PTPN1: variants seen among roughly 807,000 people sequenced by gnomAD.
PTPN1 encodes tyrosine-protein phosphatase non-receptor type 1.
PTPN1 carries 12 observed loss-of-function variants against 59.9 expected under a neutral mutation model. That is an observed-to-expected ratio of 0.20 (90% confidence interval 0.13 to 0.32). The LOEUF (loss-of-function observed/expected upper bound fraction) is 0.32. PTPN1 is among the 10% of genes least tolerant of loss of function. PTPN1 has a pLI of 1.00. For missense variants in PTPN1, 356 were observed against 549.2 expected, an observed-to-expected ratio of 0.65 and a Z score of 3.52; for synonymous variants, 178 against 203.6, an observed-to-expected ratio of 0.87 and a Z score of 1.07.
rs967744728 is a variant in PTPN1 at position 50,580,341 on chromosome 20, G to T, written c.1088+415G>T. Among the ~76,000 whole-genome samples the T allele has an allele frequency of 2.0e-5, 3 of 152,150 alleles. No homozygotes were observed. In the East Asian group the frequency reaches 5.8e-4, roughly 29 times the overall value. On this transcript the variant is annotated intron_variant, in intron 8 of 9. Coordinates refer to ENST00000371621, the MANE Select transcript of PTPN1 (RefSeq NM_002827.4). ...AATGTAACCTTTTTTATGTGGTCTT[G>T]ATTAAATCCCATTTTACTTCCTTGC... is the stretch of plus-strand genomic sequence containing the variant.
intron 2 of PTPN1, among the ~76,000 whole-genome samples, chr20:50,562,367 C>T (rs538903516): frequency 3.6e-4 from 55 of 152,296 alleles, no homozygotes; most frequent in African/African-American, 1.3e-3. Context: ...ACTTATGTGG[C>T]GCCCAGATTC....
chr20:50,579,354 C>T, intron 7 of PTPN1, 25 bp downstream of exon 7: 2 of 1,592,530 alleles, frequency 1.3e-6, no homozygotes, highest in Middle Eastern at 1.7e-4. Flanking sequence ...TGTTTGAATC[C>T]AGGTGTGACC....
intron 1 of PTPN1, among the ~76,000 whole-genome samples, chr20:50,537,841 A>T (rs1174232134): frequency 6.6e-6 from 1 of 152,234 alleles, no homozygotes; most frequent in East Asian, 1.9e-4. Context: ...ATGCCGTTCA[A>T]AATGGACTGA....
chr20:50,574,351 C>A, intron 4 of PTPN1, 166 bp from the exon 5 acceptor site: 1 of 663,274 alleles, frequency 1.5e-6, no homozygotes, highest in Non-Finnish European at 2.4e-6. Context: ...CGTGCCCCCA[C>A]CCCCATCTCC....
intron 2 of PTPN1, among the ~76,000 whole-genome samples, chr20:50,564,078 AAAC>A (rs1342820457): frequency 1.3e-5 from 2 of 152,098 alleles, no homozygotes; most frequent in African/African-American, 4.8e-5. Context: ...TAAAAAAAAA[AAAC>A]AAAAACCTCG....
intron 1 of PTPN1, among the ~76,000 whole-genome samples, chr20:50,536,820 A>T (rs552668430): frequency 6.6e-6 from 1 of 152,092 alleles, no homozygotes; most frequent in Admixed American, 6.5e-5. Context: ...AGTCTTGATT[A>T]TATCTTTTTA....
intron 1 of PTPN1, among the ~76,000 whole-genome samples, chr20:50,547,132 A>C (rs2122758899): frequency 6.6e-6 from 1 of 152,330 alleles, no homozygotes; most frequent in Non-Finnish European, 1.5e-5. Context: ...CCAAGGTGAA[A>C]TTCATGACAT....
chr20:50,547,642 G>A (rs147247853), intron 1 of PTPN1, among the ~76,000 whole-genome samples: 42 of 152,292 alleles, frequency 2.8e-4, no homozygotes, highest in Admixed American at 1.4e-3. Flanking sequence ...GATTACAGGC[G>A]TGAGCCACTG....
Position 50,584,030 on chromosome 20 carries a change from G to A in PTPN1, c.*1315G>A, listed in dbSNP as rs911715065. ...TGTCCCGGTTCACCTTGCCGAGAGA[G>A]GCGCGTCTGCCCCACCCTCAAACCC... On this transcript the variant is annotated 3_prime_UTR_variant, in exon 10 of 10. Coordinates refer to ENST00000371621, the MANE Select transcript of PTPN1 (RefSeq NM_002827.4). 5 of 152,664 alleles carry A rather than the reference G, an allele frequency of 3.3e-5. No homozygotes were observed. The highest frequency in any genetic ancestry group is 5.9e-5 in the Non-Finnish European group (4 of 68,056). The allele number at this position is 152,664 out of a possible 1,614,324, so 9.5% of individuals were successfully genotyped here. A position where few individuals can be genotyped will look rare whatever the true frequency, so the allele number is the denominator to read the frequency against.
At chr20:50,525,061 A>ATATT (rs980510984) in intron 1 of PTPN1, among the ~76,000 whole-genome samples, 2 of 152,060 alleles carry the variant, frequency 1.3e-5, no homozygotes, top group African/African-American at 4.8e-5. Context: ...ATGGTTATTT[A>ATATT]TATTTATTTA....
chr20:50,565,534 T>C (rs1366298426), intron 3 of PTPN1, among the ~76,000 whole-genome samples: 2 of 152,236 alleles, frequency 1.3e-5, no homozygotes, highest in Non-Finnish European at 2.9e-5. Flanking sequence ...CATTGGATCA[T>C]GTGAACAAGC....
chr20:50,534,839 C>T lies in PTPN1; in HGVS notation c.63+24249C>T, dbSNP rs1019965444. Among the ~76,000 whole-genome samples, 71 of 152,186 alleles carry T rather than the reference C, an allele frequency of 4.7e-4. 2 individuals are homozygous for T. The highest frequency in any genetic ancestry group is 1.9e-4 in the East Asian group (1 of 5,194). On this transcript the variant is annotated intron_variant, in intron 1 of 9. Coordinates refer to ENST00000371621, the MANE Select transcript of PTPN1 (RefSeq NM_002827.4). ...TTCCTGGGCTCAAATGATCCTCCCACGTCAGCCTCTGGAGTAGCTGGGGCT... is the reference window on the plus strand; with the variant it reads ...TTCCTGGGCTCAAATGATCCTCCCATGTCAGCCTCTGGAGTAGCTGGGGCT...
At chr20:50,571,782 C>G (rs1164703731) in intron 4 of PTPN1, 1 of 152,134 alleles carries the variant, frequency 6.6e-6, no homozygotes, top group African/African-American at 2.4e-5. Flanking sequence ...GTAGGCTGCA[C>G]CATGGCGTAA....
At chr20:50,557,044 C>G (rs2082729038) in intron 1 of PTPN1, among the ~76,000 whole-genome samples, 1 of 152,140 alleles carries the variant, frequency 6.6e-6, no homozygotes, top group Non-Finnish European at 1.5e-5. Flanking sequence ...GCCTGGGCAA[C>G]AAGAGCAAAA....
intron 1 of PTPN1, among the ~76,000 whole-genome samples, chr20:50,520,653 C>G (rs980917083): frequency 6.6e-6 from 1 of 152,160 alleles, no homozygotes; most frequent in Non-Finnish European, 1.5e-5. Context: ...GTCTCCAGTA[C>G]TGGTTAGTTT....
At chr20:50,563,096 C>G (rs2082760602) in intron 2 of PTPN1, 1 of 120,106 alleles carries the variant, frequency 8.3e-6, no homozygotes, top group South Asian at 2.9e-4. Flanking sequence ...CACTGCTTTA[C>G]TTGACTAGCC....
intron 3 of PTPN1, among the ~76,000 whole-genome samples, chr20:50,566,147 C>T (rs1217945945): frequency 6.6e-6 from 1 of 152,180 alleles, no homozygotes; most frequent in African/African-American, 2.4e-5. Flanking sequence ...CTGGTCCTCC[C>T]AGCACCTCTG....
intron 1 of PTPN1, among the ~76,000 whole-genome samples, chr20:50,518,953 T>C (rs2082540156): frequency 6.6e-6 from 1 of 152,196 alleles, no homozygotes; most frequent in Non-Finnish European, 1.5e-5. Flanking sequence ...GAATGCTGGG[T>C]TTCAATGGGC....
chr20:50,511,229 C>T (rs1161053158), intron 1 of PTPN1, among the ~76,000 whole-genome samples: 1 of 152,128 alleles, frequency 6.6e-6, no homozygotes, highest in African/African-American at 2.4e-5. Context: ...TCGAATAGGG[C>T]AATCAAACAC....
Sources: allele counts gnomAD v4.1 joint callset (sites outside exome capture counted in the v4.1 genomes callset), GRCh38; gene constraint gnomAD v4.1.1; transcripts MANE v1.5; gene names NCBI Gene and HGNC (gene_info 2026-07-23, HGNC 2026-07-21).